Variants in DCHS2 observed in about 807,000 individuals in gnomAD.
DCHS2 encodes the protein protocadherin-23.
A neutral mutation model predicts 182.4 loss-of-function variants in DCHS2; 142 were observed. The observed-to-expected ratio is 0.78, with a 90% CI of 0.68 to 0.89. The LOEUF (loss-of-function observed/expected upper bound fraction) is 0.89. Among genes scored for constraint, DCHS2 ranks in the 40% least tolerant of loss-of-function variants. The pLI is 0.00. For synonymous variants in DCHS2, 1,740 were observed against 1,663.3 expected, an observed-to-expected ratio of 1.05 and a Z score of -1.12; for missense variants, 4,319 against 4,198.6, an observed-to-expected ratio of 1.03 and a Z score of -0.79.
At position 154,333,374 on chromosome 4, in the gene DCHS2, A is replaced by G. The variant is rs1290482252; in HGVS notation, c.2834T>C (p.Val945Ala). The G allele has an allele frequency of 1.2e-6, 2 of 1,614,138 alleles. No homozygotes were observed. Among genetic ancestry groups the G allele is most frequent in the Non-Finnish European group, 1.7e-6 (2 of 1,180,038 alleles). Residue 945 changes from valine (V) to alanine (A), a missense_variant, in exon 5 of 20, where the codon GTG (valine) becomes GCG (alanine). By Grantham distance (64) the Val-to-Ala change is moderately conservative. Transcript: ENST00000357232. ...CTGCGCCTGCACCGTGAGCACAACC[A>G]CGGGCTGCGTCTCGTGATCCAGGGG... is the stretch of plus-strand genomic sequence containing the variant. ...RKPLDHETQP[V>A]VVLTVQAQLG...
chr4:154,375,746 C>G (rs547658460), intron 2 of DCHS2, among the ~76,000 whole-genome samples: 2 of 152,124 alleles, frequency 1.3e-5, no homozygotes, highest in African/African-American at 4.8e-5. Flanking sequence ...AATTCTACTC[C>G]TTTGTATATA....
intron 1 of DCHS2, among the ~76,000 whole-genome samples, chr4:154,382,480 A>G (rs987269678): frequency 6.6e-6 from 1 of 152,090 alleles, no homozygotes; most frequent in African/African-American, 2.4e-5. Flanking sequence ...CAACCAAAAC[A>G]AAAATTGACA....
At chr4:154,426,057 G>GT (rs930008612) in intron 1 of DCHS2, among the ~76,000 whole-genome samples, 1 of 152,020 alleles carries the variant, frequency 6.6e-6, no homozygotes, top group African/African-American at 2.4e-5. Flanking sequence ...CTTGGCCTCT[G>GT]TTTTTTTCTC....
intron 15 of DCHS2, among the ~76,000 whole-genome samples, chr4:154,256,822 T>G (rs1732699643): frequency 6.6e-6 from 1 of 152,104 alleles, no homozygotes; most frequent in Non-Finnish European, 1.5e-5. Context: ...GCTGCCAGAG[T>G]TCTCAGGGGA....
rs557471624 is a variant in DCHS2, at chr4:154,414,802, C to T, written c.2053-37358G>A. 2.0e-5 allele frequency among the ~76,000 whole-genome samples: 3 copies of T among 152,226 alleles called. No individual in the cohort carries two copies. The East Asian group carries it at 5.8e-4, about 29-fold the overall frequency. On this transcript the variant is annotated intron_variant, in intron 1 of 19. Transcript: ENST00000357232. ...AGGAAAGACTGAAAATGAGACCTTG[C>T]TCACCTCTTTCCTAAATGGGATACT...
chr4:154,317,662 A>C (rs1200396688), intron 9 of DCHS2, among the ~76,000 whole-genome samples: 1 of 152,138 alleles, frequency 6.6e-6, no homozygotes, highest in Non-Finnish European at 1.5e-5. Flanking sequence ...TTAATTTTTC[A>C]ATATTCCCTG....
At chr4:154,445,938 C>G (rs564552155) in intron 1 of DCHS2, among the ~76,000 whole-genome samples, 101 of 152,202 alleles carry the variant, frequency 6.6e-4, no homozygotes, top group African/African-American at 2.3e-3. Context: ...TTGTCTACCC[C>G]TGAAAAATGA....
intron 14 of DCHS2, among the ~76,000 whole-genome samples, chr4:154,264,716 A>G (rs1254093548): frequency 6.6e-6 from 1 of 152,210 alleles, no homozygotes; most frequent in African/African-American, 2.4e-5. Flanking sequence ...AAATAAGTAC[A>G]TTTTTAACTA....
At chr4:154,423,954 A>T (rs1481859343) in intron 1 of DCHS2, among the ~76,000 whole-genome samples, 1 of 152,238 alleles carries the variant, frequency 6.6e-6, no homozygotes, top group African/African-American at 2.4e-5. Context: ...GGGTCTTAAA[A>T]TATCGTGGTT....
intron 1 of DCHS2, among the ~76,000 whole-genome samples, chr4:154,481,391 A>G (rs960071272): frequency 1.3e-5 from 2 of 152,016 alleles, no homozygotes; most frequent in African/African-American, 4.8e-5. Context: ...CATCCCAAGT[A>G]GCTGGGACTA....
At chr4:154,336,780 T>G (rs1342593243) in intron 3 of DCHS2, among the ~76,000 whole-genome samples, 1 of 152,194 alleles carries the variant, frequency 6.6e-6, no homozygotes, top group Non-Finnish European at 1.5e-5. Flanking sequence ...ATGTTTAAGG[T>G]GTACAATTTG....
intron 3 of DCHS2, chr4:154,343,346 C>T (rs1314856573): frequency 7.7e-6 from 7 of 911,666 alleles, no homozygotes; most frequent in Non-Finnish European, 1.0e-5. Context: ...GTCAGCCTGC[C>T]CTTTTAAGTT....
At chr4:154,255,456 CA>C in intron 16 of DCHS2, 62 bp downstream of exon 16, 1 of 1,540,318 alleles carries the variant, frequency 6.5e-7, no homozygotes, top group Non-Finnish European at 8.7e-7. Flanking sequence ...ATGAACAAAA[CA>C]GCAATGTTGT....
At chr4:154,414,494 T>A (rs1021134937) in intron 1 of DCHS2, among the ~76,000 whole-genome samples, 2 of 144,268 alleles carry the variant, frequency 1.4e-5, no homozygotes, top group South Asian at 2.2e-4. Context: ...TTTCTTTTTT[T>A]TTTTTTTTTT....
intron 13 of DCHS2, among the ~76,000 whole-genome samples, chr4:154,295,840 A>G (rs1042152991): frequency 2.0e-5 from 3 of 152,182 alleles, no homozygotes; most frequent in Non-Finnish European, 2.9e-5. Context: ...TCTAACACAC[A>G]TGTGCCCAGC....
intron 14 of DCHS2, among the ~76,000 whole-genome samples, chr4:154,263,805 C>T (rs148966164): frequency 2.8e-4 from 43 of 152,052 alleles, no homozygotes; most frequent in South Asian, 1.0e-3. Flanking sequence ...TGAATACAAT[C>T]CACAGATGGA....
intron 19 of DCHS2, among the ~76,000 whole-genome samples, chr4:154,237,842 C>CCCA (rs2111092637): frequency 6.6e-6 from 1 of 152,158 alleles, no homozygotes; most frequent in South Asian, 2.1e-4. Flanking sequence ...CAGTTAGAGT[C>CCCA]CCACCATGAA....
intron 13 of DCHS2, among the ~76,000 whole-genome samples, chr4:154,276,739 G>T (rs6823540): frequency 0.34 from 51,313 of 152,016 alleles, 10,703 homozygotes; most frequent in African/African-American, 0.6. Flanking sequence ...ACAAAGGCAC[G>T]GACTTAACAA....
At chr4:154,346,185 AT>A (rs1729352968) in intron 3 of DCHS2, among the ~76,000 whole-genome samples, 1 of 152,234 alleles carries the variant, frequency 6.6e-6, no homozygotes, top group South Asian at 2.1e-4. Context: ...CAACATATGA[AT>A]TTTGGAGGGG....
Sources: gnomAD v4.1 joint callset for allele counts (sites outside exome capture counted in the v4.1 genomes callset) on GRCh38, gnomAD v4.1.1 for gene constraint, MANE v1.5 for transcripts, NCBI Gene and HGNC (gene_info 2026-07-23, HGNC 2026-07-21) for gene names.